The following FAM222B variants were observed in gnomAD, a reference collection of about 807,000 sequenced individuals.
FAM222B encodes the protein protein FAM222B.
In FAM222B, 12 loss-of-function variants were observed where a neutral mutation model predicts 38.0. That is an observed-to-expected ratio of 0.32 (90% CI 0.20 to 0.51). FAM222B has a LOEUF of 0.51. Ranked by LOEUF, FAM222B falls within the 20% of genes least tolerant of loss-of-function variation. The pLI is 0.97. For missense variants in FAM222B, 716 were observed against 754.2 expected, an observed-to-expected ratio of 0.95 and a Z score of 0.59; for synonymous variants, 329 against 317.2, an observed-to-expected ratio of 1.04 and a Z score of -0.40.
intron 1 of FAM222B, among the ~76,000 whole-genome samples, chr17:28,831,562 A>G (rs2038670586): frequency 7.3e-6 from 1 of 137,432 alleles, no homozygotes; most frequent in Non-Finnish European, 1.5e-5. Context: ...GCTGGAGTGC[A>G]GTGTTGCGAT....
chr17:28,854,421 A>C (rs1412109740), intron 1 of FAM222B, among the ~76,000 whole-genome samples: 1 of 152,200 alleles, frequency 6.6e-6, no homozygotes, highest in East Asian at 1.9e-4. Flanking sequence ...GAATGACCTC[A>C]GATAGTAGAC....
chr17:28,837,429 CAAA>C (rs1169742422), intron 1 of FAM222B, among the ~76,000 whole-genome samples: 3 of 108,554 alleles, frequency 2.8e-5, no homozygotes, highest in African/African-American at 1.1e-4. Flanking sequence ...GACTCCGTCT[CAAA>C]AAAAAAAAAA....
chr17:28,811,889 C>A (rs1363755461), intron 1 of FAM222B, among the ~76,000 whole-genome samples: 3 of 152,104 alleles, frequency 2.0e-5, no homozygotes, highest in Non-Finnish European at 4.4e-5. Context: ...AATATCCACT[C>A]CTAGCTTGCC....
Position 28,757,669 on chromosome 17 carries a change from G to T in FAM222B, c.*601C>A, listed in dbSNP as rs1019743190. The stretch of plus-strand genomic sequence containing the variant: ...ACTTCCAAGATGCCCTTGAGATCAA[G>T]TGTGGCAAGGGCAAGTGCAGTGGCT... On this transcript the variant is annotated 3_prime_UTR_variant, in exon 3 of 3. Coordinates refer to ENST00000581407, the MANE Select transcript of FAM222B (RefSeq NM_001077498.3). 1 of 152,172 alleles carries T rather than the reference G, an allele frequency of 6.6e-6. No homozygotes were observed. The highest frequency in any genetic ancestry group is 2.4e-5 in the African/African-American group (1 of 41,426). 9.4% of individuals were successfully genotyped at this position (152,172 alleles called of 1,614,324 possible).
intron 1 of FAM222B, among the ~76,000 whole-genome samples, chr17:28,778,062 A>T (rs1328423652): frequency 6.7e-6 from 1 of 148,966 alleles, no homozygotes; most frequent in Non-Finnish European, 1.5e-5. Context: ...TGTATTGAAA[A>T]GTATTATTTG....
intron 1 of FAM222B, among the ~76,000 whole-genome samples, chr17:28,774,563 TC>T (rs1417234988): frequency 6.6e-6 from 1 of 152,190 alleles, no homozygotes; most frequent in African/African-American, 2.4e-5. Flanking sequence ...CAAACCTTTT[TC>T]CCTACTGGAA....
chr17:28,766,318 G>A (rs1391945684), intron 2 of FAM222B, among the ~76,000 whole-genome samples: 1 of 152,134 alleles, frequency 6.6e-6, no homozygotes, highest in African/African-American at 2.4e-5. Context: ...GCCAGGCATG[G>A]TGGTGGGCAC....
rs973825858 is a variant in FAM222B at position 28,758,512 on chromosome 17, C to T, written c.1447G>A (p.Ala483Thr). 6.2e-7 allele frequency: 1 copy of T among 1,611,764 alleles called. No homozygotes were observed. The highest frequency in any genetic ancestry group is 8.5e-7 in the Non-Finnish European group (1 of 1,179,802). The change falls in exon 3 of 3, where the codon GCA becomes ACA. Residue 483 changes from alanine (A) to threonine (T), a missense_variant. Ala to Thr is a moderately conservative substitution (Grantham distance 58). Coordinates refer to ENST00000581407, the MANE Select transcript of FAM222B (RefSeq NM_001077498.3). ...MPFHGGQPTG[A>T]PLDCAAAPGA... The stretch of plus-strand genomic sequence containing the variant: ...GGAGCTGCCGCACAGTCGAGGGGTG[C>T]ACCTGTGGGCTGCCCACCGTGGAAC...
intron 2 of FAM222B, among the ~76,000 whole-genome samples, chr17:28,764,271 CAAAAAAAAAAA>C (rs35314377): frequency 2.3e-5 from 1 of 43,844 alleles, no homozygotes; most frequent in Non-Finnish European, 4.7e-5. Context: ...GACTCCATCT[CAAAAAAAAAAA>C]AAAAAAAAAA....
chr17:28,811,237 A>G (rs1256073872), intron 1 of FAM222B, among the ~76,000 whole-genome samples: 1 of 152,076 alleles, frequency 6.6e-6, no homozygotes, highest in Non-Finnish European at 1.5e-5. Flanking sequence ...TCAGGATATC[A>G]AGACCATCCT....
intron 1 of FAM222B, among the ~76,000 whole-genome samples, chr17:28,828,296 C>T (rs1033573444): frequency 1.3e-5 from 2 of 151,350 alleles, no homozygotes; most frequent in African/African-American, 4.9e-5. Flanking sequence ...GGCACAGAGG[C>T]TCACACCTGC....
intron 1 of FAM222B, chr17:28,790,288 G>C (rs73986754): frequency 6.6e-6 from 1 of 152,066 alleles, no homozygotes. Flanking sequence ...AAGGGAAAAT[G>C]AGTAACTTTA....
intron 1 of FAM222B, among the ~76,000 whole-genome samples, chr17:28,798,110 G>T (rs887281805): frequency 6.6e-6 from 1 of 151,972 alleles, no homozygotes; most frequent in African/African-American, 2.4e-5. Context: ...AAATAAATAG[G>T]TCAGGCGCGG....
chr17:28,767,639 C>A (rs377714306), intron 1 of FAM222B, among the ~76,000 whole-genome samples: 24 of 149,548 alleles, frequency 1.6e-4, no homozygotes, highest in African/African-American at 5.9e-4. Flanking sequence ...CCATGCCCAG[C>A]CAATTTTTGT....
At chr17:28,808,128 G>A (rs1036611835) in intron 1 of FAM222B, among the ~76,000 whole-genome samples, 10 of 152,092 alleles carry the variant, frequency 6.6e-5, no homozygotes, top group Non-Finnish European at 1.3e-4. Context: ...TTTTCCACAC[G>A]TCCAGCAGGC....
chr17:28,853,062 G>A (rs753711644), intron 1 of FAM222B, among the ~76,000 whole-genome samples: 12 of 152,012 alleles, frequency 7.9e-5, no homozygotes, highest in East Asian at 1.9e-4. Flanking sequence ...GCATGGTGGT[G>A]TATGCCTGTG....
intron 1 of FAM222B, among the ~76,000 whole-genome samples, chr17:28,792,660 A>C (rs906143251): frequency 6.6e-5 from 10 of 151,832 alleles, no homozygotes; most frequent in Non-Finnish European, 1.5e-4. Context: ...ATGTGCCTTT[A>C]ATCCCAGTTA....
chr17:28,796,348 T>TCC (rs1247095247), intron 1 of FAM222B, among the ~76,000 whole-genome samples: 1 of 152,214 alleles, frequency 6.6e-6, no homozygotes, highest in Non-Finnish European at 1.5e-5. Context: ...TCTCATGGTT[T>TCC]CCCCACTGCA....
chr17:28,818,300 G>A (rs1449283553), intron 1 of FAM222B, among the ~76,000 whole-genome samples: 2 of 152,048 alleles, frequency 1.3e-5, no homozygotes, highest in African/African-American at 2.4e-5. Flanking sequence ...AGGCCGAGGT[G>A]GGCGGATCAC....
Sources: gnomAD v4.1 joint callset for allele counts (sites outside exome capture counted in the v4.1 genomes callset) on GRCh38, gnomAD v4.1.1 for gene constraint, MANE v1.5 for transcripts, NCBI Gene and HGNC (gene_info 2026-07-23, HGNC 2026-07-21) for gene names.